The following CSMD1 variants were observed in gnomAD, a reference collection of about 807,000 sequenced individuals.
CSMD1 encodes the protein CUB and sushi domain-containing protein 1.
In CSMD1, 213 loss-of-function variants were observed where a neutral mutation model predicts 417.5. That is an observed-to-expected ratio of 0.51 (90% CI 0.46 to 0.57). CSMD1 has a LOEUF of 0.57. CSMD1 is among the 20% of genes least tolerant of loss of function. CSMD1 has a pLI of 0.00. For missense variants in CSMD1, 6,923 were observed against 4,529.7 expected, an observed-to-expected ratio of 1.53 and a Z score of -15.17; for synonymous variants, 2,862 against 1,736.8, an observed-to-expected ratio of 1.65 and a Z score of -16.11.
intron 8 of CSMD1, among the ~76,000 whole-genome samples, chr8:3,605,366 T>C (rs192903979): frequency 6.6e-6 from 1 of 152,226 alleles, no homozygotes; most frequent in Admixed American, 6.5e-5. Flanking sequence ...ATTCTTTACA[T>C]TTTCATGTAA....
chr8:4,102,671 A>G (rs948154535), intron 3 of CSMD1, among the ~76,000 whole-genome samples: 1 of 152,206 alleles, frequency 6.6e-6, no homozygotes, highest in Non-Finnish European at 1.5e-5. Flanking sequence ...AAATACTCCA[A>G]TATTCAGGAC....
chr8:3,527,694 G>A (rs1374097952), intron 10 of CSMD1, among the ~76,000 whole-genome samples: 1 of 152,122 alleles, frequency 6.6e-6, no homozygotes, highest in African/African-American at 2.4e-5. Flanking sequence ...TTTTGGCTTA[G>A]AGCAATGTGA....
At chr8:3,613,702 AACACACACACAC>A (rs61391436) in intron 8 of CSMD1, among the ~76,000 whole-genome samples, 3 of 144,788 alleles carry the variant, frequency 2.1e-5, no homozygotes, top group Admixed American at 7.0e-5. Context: ...GTCAGATTAA[AACACACACACAC>A]ACACACACAC....
intron 54 of CSMD1, among the ~76,000 whole-genome samples, chr8:2,980,624 T>G (rs1398426442): frequency 6.6e-6 from 1 of 152,152 alleles, no homozygotes; most frequent in African/African-American, 2.4e-5. Context: ...GAGAACCAAA[T>G]GTTCTCTGAG....
At chr8:4,041,181 T>G (rs373375214) in intron 3 of CSMD1, among the ~76,000 whole-genome samples, 1 of 151,866 alleles carries the variant, frequency 6.6e-6, no homozygotes, top group Non-Finnish European at 1.5e-5. Context: ...CACGCCCGGC[T>G]AATTTTTTTG....
At chr8:3,931,915 AAG>A (rs1491064517) in intron 5 of CSMD1, among the ~76,000 whole-genome samples, 7 of 149,446 alleles carry the variant, frequency 4.7e-5, no homozygotes, top group African/African-American at 1.7e-4. Flanking sequence ...AAAAAAAAAA[AAG>A]ATCACAGAAC....
rs539482011 is a variant in CSMD1, at chr8:3,509,885, G to T, written c.1345-16159C>A. The stretch of plus-strand genomic sequence containing the variant: ...CCAACTCTGTGGCCATGGTAAAGGG[G>T]AACTCATGCCCCAGTGAAGCGATGA... On this transcript the variant is annotated intron_variant, in intron 10 of 69. Coordinates refer to ENST00000635120, the MANE Select transcript of CSMD1 (RefSeq NM_033225.6). 7.9e-5 allele frequency among the ~76,000 whole-genome samples: 12 copies of T among 152,226 alleles called. No homozygotes were observed. In the South Asian group the frequency reaches 2.3e-3, roughly 29 times the overall value.
At position 3,889,430 on chromosome 8, in the gene CSMD1, G is replaced by A. The variant is rs1190440107; in HGVS notation, c.818+108473C>T. 9.2e-5 allele frequency among the ~76,000 whole-genome samples: 11 copies of A among 119,116 alleles called. No homozygotes were observed. In the Admixed American group the frequency reaches 9.7e-4, roughly 10 times the overall value. 78.1% of individuals were successfully genotyped at this position (119,116 alleles called of 152,430 possible). A position where few individuals can be genotyped will look rare whatever the true frequency, so the allele number is the denominator to read the frequency against. ...AATGCCTTCCACATTGTAGTCATTA[G>A]TTGATATGCTTCTGATCTTTCCATA... On this transcript the variant is annotated intron_variant, in intron 5 of 69. Coordinates refer to ENST00000635120, the MANE Select transcript of CSMD1 (RefSeq NM_033225.6).
rs182778362 is a variant in CSMD1 at position 4,212,741 on chromosome 8, C to T, written c.416-180642G>A. ...AAACATTGTGAAAAGTTTACAACAG[C>T]GGCCTTATTCTTTTTTTTTTTTTTT... On this transcript the variant is annotated intron_variant, in intron 3 of 69. Coordinates refer to ENST00000635120, the MANE Select transcript of CSMD1 (RefSeq NM_033225.6). Among the ~76,000 whole-genome samples, 69 of 125,584 alleles carry T rather than the reference C, an allele frequency of 5.5e-4. 1 individual carries two copies. The highest frequency in any genetic ancestry group is 4.3e-4 in the Admixed American group (5 of 11,696). 82.4% of individuals were successfully genotyped at this position (125,584 alleles called of 152,430 possible).
chr8:3,963,783 AAGTC>A (rs1443702670), intron 5 of CSMD1, among the ~76,000 whole-genome samples: 3 of 152,216 alleles, frequency 2.0e-5, no homozygotes, highest in African/African-American at 7.2e-5. Context: ...ATAGCAACCT[AAGTC>A]AGACAGAAAC....
intron 2 of CSMD1, among the ~76,000 whole-genome samples, chr8:4,444,785 A>T (rs186273537): frequency 1.3e-5 from 2 of 152,202 alleles, no homozygotes; most frequent in Admixed American, 6.5e-5. Flanking sequence ...GACTAAGAAC[A>T]TATTATTCCA....
chr8:3,334,310 G>A (rs1354840233), intron 23 of CSMD1, among the ~76,000 whole-genome samples: 1 of 152,170 alleles, frequency 6.6e-6, no homozygotes, highest in Non-Finnish European at 1.5e-5. Flanking sequence ...GCATTCAGCA[G>A]CTGTGTACAC....
chr8:4,178,275 T>C lies in CSMD1; in HGVS notation c.416-146176A>G, dbSNP rs546267585. On this transcript the variant is annotated intron_variant, in intron 3 of 69. Coordinates refer to ENST00000635120, the MANE Select transcript of CSMD1 (RefSeq NM_033225.6). ...TCCCTGGGATGCAAGGCTGGTTCAATATACGCAAATCAATAAATGTAATCC... is the reference window on the plus strand; with the variant it reads ...TCCCTGGGATGCAAGGCTGGTTCAACATACGCAAATCAATAAATGTAATCC... Among the ~76,000 whole-genome samples the C allele has an allele frequency of 2.2e-4, 34 of 151,922 alleles. 1 individual carries two copies. Among genetic ancestry groups the C allele is most frequent in the Non-Finnish European group, 3.2e-4 (22 of 67,974 alleles).
chr8:4,280,196 G>A (rs1190733120), intron 3 of CSMD1, among the ~76,000 whole-genome samples: 1 of 152,174 alleles, frequency 6.6e-6, no homozygotes, highest in African/African-American at 2.4e-5. Flanking sequence ...TATTTCTTAA[G>A]CAAGCATAGG....
intron 10 of CSMD1, among the ~76,000 whole-genome samples, chr8:3,555,263 T>C (rs1799094448): frequency 6.6e-6 from 1 of 152,052 alleles, no homozygotes; most frequent in African/African-American, 2.4e-5. Context: ...CTAGGAGTCA[T>C]GAAGCCAATG....
chr8:3,734,747 A>C (rs1008408220), intron 6 of CSMD1, among the ~76,000 whole-genome samples: 38 of 152,140 alleles, frequency 2.5e-4, no homozygotes, highest in African/African-American at 8.2e-4. Flanking sequence ...AAACTCTCCT[A>C]ATGTGGCTGC....
intron 3 of CSMD1, among the ~76,000 whole-genome samples, chr8:4,077,088 A>C (rs937830234): frequency 6.6e-6 from 1 of 151,944 alleles, no homozygotes; most frequent in Non-Finnish European, 1.5e-5. Flanking sequence ...TAAATGATAT[A>C]TATTTTAAGC....
intron 8 of CSMD1, 89 bp downstream of exon 8, chr8:3,616,621 A>G: frequency 8.6e-6 from 7 of 817,936 alleles, no homozygotes; most frequent in Non-Finnish European, 1.2e-5. Context: ...TTACCTCAAA[A>G]GAACAAAAGA....
chr8:3,278,268 C>G (rs549674051), intron 26 of CSMD1: 2 of 152,274 alleles, frequency 1.3e-5, no homozygotes, highest in East Asian at 3.9e-4. Flanking sequence ...TAGTGCAACC[C>G]TGATGTTAAA....
Sources: gnomAD v4.1 joint callset for allele counts (sites outside exome capture counted in the v4.1 genomes callset) on GRCh38, gnomAD v4.1.1 for gene constraint, MANE v1.5 for transcripts, NCBI Gene and HGNC (gene_info 2026-07-23, HGNC 2026-07-21) for gene names.